The following SYT14 variants were observed in gnomAD, a reference collection of about 807,000 sequenced individuals.
SYT14 encodes the protein synaptotagmin 14.
SYT14 carries 32 observed loss-of-function variants against 74.2 expected under a neutral mutation model. That is an observed-to-expected ratio of 0.43 (90% CI 0.33 to 0.58). SYT14 has a LOEUF of 0.58. Among genes scored for constraint, SYT14 ranks in the 20% least tolerant of loss-of-function variants. The pLI is 0.05. For synonymous variants in SYT14, 298 were observed against 337.7 expected (o/e 0.88, Z 1.29); for missense variants, 791 against 981.8 (o/e 0.81, Z 2.60).
intron 7 of SYT14, among the ~76,000 whole-genome samples, chr1:210,131,838 C>A (rs1295489889): frequency 6.6e-6 from 1 of 152,146 alleles, no homozygotes; most frequent in Non-Finnish European, 1.5e-5. Context: ...AACTCAGGTT[C>A]TAACTCCCTG....
At chr1:210,085,373 C>G (rs1187802279) in intron 5 of SYT14, among the ~76,000 whole-genome samples, 1 of 152,138 alleles carries the variant, frequency 6.6e-6, no homozygotes, top group African/African-American at 2.4e-5. Context: ...TTCTTTTTCT[C>G]CCCTTATTGC....
intron 2 of SYT14, among the ~76,000 whole-genome samples, chr1:209,954,439 C>T: frequency 6.6e-6 from 1 of 151,892 alleles, no homozygotes; most frequent in East Asian, 1.9e-4. Flanking sequence ...AATTTTAATT[C>T]TGCATTTAAA....
chr1:210,162,691 A>G (rs1449806138), exon 10 of SYT14: 1 of 450,224 alleles, frequency 2.2e-6, no homozygotes, highest in Middle Eastern at 7.0e-4. Flanking sequence ...TAACAAAACA[A>G]TGCGTAGATA....
intron 6 of SYT14, among the ~76,000 whole-genome samples, chr1:210,097,284 A>C (rs1032366161): frequency 6.6e-6 from 1 of 152,208 alleles, no homozygotes; most frequent in African/African-American, 2.4e-5. Context: ...ATCTACATAC[A>C]TGATTAAACT....
chr1:210,051,182 G>A (rs1210696953), intron 5 of SYT14, among the ~76,000 whole-genome samples: 12 of 152,066 alleles, frequency 7.9e-5, no homozygotes, highest in Admixed American at 7.2e-4. Context: ...TCAGTCCTAC[G>A]ATACATATAA....
At chr1:210,142,839 A>G (rs2082945963) in intron 7 of SYT14, among the ~76,000 whole-genome samples, 1 of 152,210 alleles carries the variant, frequency 6.6e-6, no homozygotes, top group Non-Finnish European at 1.5e-5. Flanking sequence ...TGGGGAAAAG[A>G]TAACTAAGAT....
chr1:210,139,265 C>CTTTTTTCT (rs2082862260), intron 7 of SYT14, among the ~76,000 whole-genome samples: 3 of 95,816 alleles, frequency 3.1e-5, no homozygotes, highest in East Asian at 5.7e-4. Context: ...TTTCTTTTTT[C>CTTTTTTCT]TTTTTTTTTT....
intron 7 of SYT14, among the ~76,000 whole-genome samples, chr1:210,131,000 A>G (rs1002848969): frequency 1.3e-5 from 2 of 152,218 alleles, no homozygotes; most frequent in Non-Finnish European, 2.9e-5. Flanking sequence ...GAGAATTGTT[A>G]TGACCACTTT....
At chr1:210,155,469 C>A (rs965649973) in intron 7 of SYT14, among the ~76,000 whole-genome samples, 1 of 152,158 alleles carries the variant, frequency 6.6e-6, no homozygotes, top group Non-Finnish European at 1.5e-5. Flanking sequence ...AGCAACATTG[C>A]TCTTATTTCC....
chr1:209,999,346 G>A (rs2079852191), intron 2 of SYT14, among the ~76,000 whole-genome samples: 2 of 152,086 alleles, frequency 1.3e-5, no homozygotes, highest in African/African-American at 4.8e-5. Flanking sequence ...ACAGTATGGA[G>A]ATATCTCAAA....
intron 5 of SYT14, among the ~76,000 whole-genome samples, chr1:210,045,428 C>T (rs1486381599): frequency 6.6e-6 from 1 of 152,104 alleles, no homozygotes; most frequent in Non-Finnish European, 1.5e-5. Flanking sequence ...AAGTTTAGTA[C>T]ACTTTAATGG....
At chr1:210,090,134 C>T (rs1215956698) in intron 5 of SYT14, among the ~76,000 whole-genome samples, 1 of 152,164 alleles carries the variant, frequency 6.6e-6, no homozygotes, top group Non-Finnish European at 1.5e-5. Context: ...TCATCTGCCA[C>T]ACAGTGCAAA....
chr1:210,010,198 T>G (rs535335984), intron 2 of SYT14, among the ~76,000 whole-genome samples: 3 of 152,300 alleles, frequency 2.0e-5, no homozygotes, highest in East Asian at 3.9e-4. Flanking sequence ...ACAAAAATTT[T>G]TGGATGATAT....
chr1:210,057,401 A>G (rs2081119974), intron 5 of SYT14, among the ~76,000 whole-genome samples: 1 of 152,142 alleles, frequency 6.6e-6, no homozygotes, highest in African/African-American at 2.4e-5. Flanking sequence ...AGTTAAGGCC[A>G]ACTCCTGCCA....
chr1:209,985,987 AG>A (rs1363313134), intron 2 of SYT14, among the ~76,000 whole-genome samples: 1 of 152,156 alleles, frequency 6.6e-6, no homozygotes, highest in Non-Finnish European at 1.5e-5. Context: ...CAGTTCTCCT[AG>A]GCTTCAAGAC....
At chr1:210,120,398 C>G (rs548371041) in intron 7 of SYT14, among the ~76,000 whole-genome samples, 1 of 149,264 alleles carries the variant, frequency 6.7e-6, no homozygotes, top group Non-Finnish European at 1.5e-5. Flanking sequence ...TAGGGTCACT[C>G]TGTTAGGCTG....
intron 7 of SYT14, among the ~76,000 whole-genome samples, chr1:210,122,751 TG>T (rs766473147): frequency 6.6e-6 from 1 of 152,206 alleles, no homozygotes; most frequent in Non-Finnish European, 1.5e-5. Context: ...TGGCCAAGCC[TG>T]GGATCAACAG....
At chr1:210,058,847 T>G (rs1336986259) in intron 5 of SYT14, among the ~76,000 whole-genome samples, 1 of 152,028 alleles carries the variant, frequency 6.6e-6, no homozygotes, top group Non-Finnish European at 1.5e-5. Context: ...TCATTCAAGG[T>G]GCTGGATGGA....
chr1:210,123,820 T>A (rs922171571), intron 7 of SYT14, among the ~76,000 whole-genome samples: 1 of 151,878 alleles, frequency 6.6e-6, no homozygotes, highest in Non-Finnish European at 1.5e-5. Flanking sequence ...GAAAATAAAA[T>A]TATGCAACAG....
Sources: gnomAD v4.1 joint callset for allele counts (sites outside exome capture counted in the v4.1 genomes callset) on GRCh38, gnomAD v4.1.1 for gene constraint, MANE v1.5 for transcripts, NCBI Gene and HGNC (gene_info 2026-07-23, HGNC 2026-07-21) for gene names.